LMF2: variants seen among roughly 807,000 people sequenced by gnomAD.
The protein encoded by LMF2 is lipase maturation factor 2, also known as transmembrane protein 112B.
Under a neutral mutation model 81.5 loss-of-function variants are expected in LMF2, and 113 were observed. The ratio of observed to expected loss-of-function variants is 1.39; its 90% confidence interval spans 1.19 to 1.62. The LOEUF (loss-of-function observed/expected upper bound fraction) is 1.62, where lower values mean the gene tolerates loss of function less well. Ranked by LOEUF, LMF2 falls within the 40% of genes most tolerant of loss-of-function variation. The pLI is 0.00. For synonymous variants in LMF2, 645 were observed against 424.5 expected (o/e 1.52, Z -6.39); for missense variants, 1,235 against 929.1 (o/e 1.33, Z -4.28).
intron 3 of LMF2, 34 bp from the exon 4 acceptor site, chr22:50,506,536 C>T (rs764253137): frequency 3.8e-6 from 6 of 1,572,290 alleles, no homozygotes; most frequent in Middle Eastern, 3.4e-4. Context: ...AAGAGCCCCT[C>T]CCCACACAGC....
intron 5 of LMF2, 36 bp downstream of exon 5, chr22:50,505,999 G>C: frequency 6.4e-7 from 1 of 1,567,660 alleles, no homozygotes; most frequent in Non-Finnish European, 8.7e-7. Flanking sequence ...GCCGAGCCCT[G>C]TCTGCCTCTC....
At position 50,505,485 on chromosome 22, in the gene LMF2, G is replaced by A. The variant is rs1411809866; in HGVS notation, c.969C>T (p.Val323=). 8 of 1,612,898 alleles carry A rather than the reference G, an allele frequency of 5.0e-6. No homozygotes were observed. Among genetic ancestry groups the A allele is most frequent in the Non-Finnish European group, 5.9e-6 (7 of 1,180,014 alleles). The part of the protein sequence containing the change: ...ATLSLLLELA[V]YGLLAYGTVH... ...CAGTGCCATAGGCCAGAAGCCCGTA[G>A]ACGGCTAGTTCCAGCAGCAGCGACA... Residue 323 remains valine (V), a synonymous_variant, in exon 7 of 14, where the codon GTC becomes GTT. Coordinates refer to ENST00000474879, the MANE Select transcript of LMF2 (RefSeq NM_033200.3).
chr22:50,505,528 T>C lies in LMF2; in HGVS notation c.926A>G (p.Lys309Arg). The C allele has an allele frequency of 6.2e-7, 1 of 1,612,508 alleles. No individual in the cohort carries two copies. The highest frequency in any genetic ancestry group is 1.3e-5 in the African/African-American group (1 of 75,056). ...SRKKTATSWP[K>R]ALLATLSLLL... is the part of the protein sequence containing the mutation. The stretch of plus-strand genomic sequence containing the variant: ...CAGCGACAGGGTGGCCAGCAGGGCC[T>C]TGGGCCAGGCTGTGGGGCAGGACAG... The change falls in exon 7 of 14, where the codon AAG becomes AGG. Residue 309 changes from lysine to arginine, a missense_variant. Physicochemically the swap from Lys to Arg is conservative, Grantham distance 26. Coordinates refer to ENST00000474879, the MANE Select transcript of LMF2 (RefSeq NM_033200.3).
intron 11 of LMF2, 46 bp downstream of exon 11, chr22:50,504,513 C>T: frequency 6.6e-7 from 1 of 1,513,384 alleles, no homozygotes; most frequent in Non-Finnish European, 8.9e-7. Flanking sequence ...CCTCCCCACC[C>T]CGCTCCACCC....
Position 50,504,416 on chromosome 22 carries a change from G to A in LMF2, c.1642C>T (p.Pro548Ser). ...RLVQSQVARY[P>S]FHKQPPTYVR... ...TAGGTGGGCGGCTGCTTGTGGAAGG[G>A]ATACCTGGCCACTTGGCTCTGGACA... Residue 548 changes from proline (P) to serine (S), a missense_variant, in exon 12 of 14, where the codon CCC (proline) becomes TCC (serine). By Grantham distance (74) the Pro-to-Ser change is moderately conservative. Coordinates refer to ENST00000474879, the MANE Select transcript of LMF2 (RefSeq NM_033200.3). 6.2e-7 allele frequency: 1 copy of A among 1,612,274 alleles called. No homozygotes were observed. The highest frequency in any genetic ancestry group is 8.5e-7 in the Non-Finnish European group (1 of 1,179,686).
In LMF2 at chr22:50,503,343, A is replaced by C; in HGVS notation, c.*48T>G. On this transcript the variant is annotated 3_prime_UTR_variant, in exon 14 of 14. Transcript: ENST00000474879. ...GTCCTGTCCTGCCGGAGGCCAGAGC[A>C]CTCCCGGCGACCTGGCCCTCTCAGG... The C allele has an allele frequency of 6.3e-7, 1 of 1,587,636 alleles. No homozygotes were observed. The highest frequency in any genetic ancestry group is 8.6e-7 in the Non-Finnish European group (1 of 1,163,906).
In LMF2 at chr22:50,505,750, C is replaced by T; in HGVS notation, c.840G>A (p.Val280=). Residue 280 remains valine (V), a synonymous_variant, in exon 6 of 14, where the codon GTG becomes GTA. Coordinates refer to ENST00000474879, the MANE Select transcript of LMF2 (RefSeq NM_033200.3). ...NYNFFNLMTL[V]LTTALLDDQH... The stretch of plus-strand genomic sequence containing the variant: ...GGTCGTCCAGCAGCGCAGTGGTAAG[C>T]ACCAGCGTCATCAGGTTGAAGAAGT... 1.2e-6 allele frequency: 2 copies of T among 1,613,212 alleles called. No homozygotes were observed. The highest frequency in any genetic ancestry group is 1.7e-6 in the Non-Finnish European group (2 of 1,179,944).
intron 3 of LMF2, 41 bp downstream of exon 3, chr22:50,506,597 C>G (rs747919096): frequency 6.2e-7 from 1 of 1,604,138 alleles, no homozygotes; most frequent in Admixed American, 1.7e-5. Context: ...CCCCCACCCC[C>G]TACCCAGCCT....
chr22:50,504,503 C>CCCCCCCCCCCCCCCCCACCCCACCCCA, intron 11 of LMF2, 52 bp from the exon 12 acceptor site: 1 of 1,485,566 alleles, frequency 6.7e-7, no homozygotes. Context: ...CTGCCCCTCC[C>CCCCCCCCCCCCCCCCCACCCCACCCCA]CTCCCCACCC....
chr22:50,503,950 C>A, intron 12 of LMF2, 46 bp from the exon 13 acceptor site: 1 of 1,555,868 alleles, frequency 6.4e-7, no homozygotes. Context: ...CCCCGGGCTC[C>A]ATACCCCATC....
Position 50,504,511 on chromosome 22 carries a change from C to T in LMF2, c.1606+48G>A, listed in dbSNP as rs964265833. 4.0e-6 allele frequency: 6 copies of T among 1,506,908 alleles called. No homozygotes were observed. The African/African-American group carries it at 5.5e-5, about 14-fold the overall frequency. The allele number at this position is 1,506,908 out of a possible 1,614,324, so 93.3% of individuals were successfully genotyped here. A position where few individuals can be genotyped will look rare whatever the true frequency, so the allele number is the denominator to read the frequency against. On this transcript the variant is annotated intron_variant, in intron 11 of 13. Transcript: ENST00000474879. ...ACCCGCCCTGCCCCTCCCCTCCCCACCCCGCTCCACCCCAGCCCACTCCAC... is the reference window on the plus strand; with the variant it reads ...ACCCGCCCTGCCCCTCCCCTCCCCATCCCGCTCCACCCCAGCCCACTCCAC...
chr22:50,506,232 G>A lies in LMF2; in HGVS notation c.596-19C>T, dbSNP rs565575123. ...GTGAGGGCTGCAGGCGAGGGCAGGA[G>A]TCAGGGCTGGCCGAGCCCCCAGACT... On this transcript the variant is annotated intron_variant, in intron 4 of 13. Transcript: ENST00000474879. 3 of 1,550,124 alleles carry A rather than the reference G, an allele frequency of 1.9e-6. No individual in the cohort carries two copies. Among genetic ancestry groups the A allele is most frequent in the Admixed American group, 3.9e-5 (2 of 51,010 alleles).
chr22:50,503,973 C>T (rs1461005618), intron 12 of LMF2, 69 bp from the exon 13 acceptor site: 4 of 1,391,812 alleles, frequency 2.9e-6, no homozygotes, highest in Non-Finnish European at 3.0e-6. Flanking sequence ...CAGTGCCCAG[C>T]CTTACCCCTG....
chr22:50,506,363 A>G lies in LMF2; in HGVS notation c.517T>C (p.Trp173Arg). ...GCGAACATGAGGCGGAACAGCAGCC[A>G]TCGCACCAGCCAGAAGGGGAGGTCT... ...HEDLPFWLVRWLLFRLMFASG... is the reference protein window; with the variant it reads ...HEDLPFWLVRRLLFRLMFASG... Residue 173 changes from tryptophan (W) to arginine (R), a missense_variant, in exon 4 of 14, where the codon TGG becomes CGG. Physicochemically the swap from Trp to Arg is moderately radical, Grantham distance 101 (BLOSUM62 -3). Coordinates refer to ENST00000474879, the MANE Select transcript of LMF2 (RefSeq NM_033200.3). 1.3e-6 allele frequency: 2 copies of G among 1,549,726 alleles called. No individual in the cohort carries two copies. Among genetic ancestry groups the G allele is most frequent in the Non-Finnish European group, 1.7e-6 (2 of 1,146,976 alleles).
chr22:50,503,881 A>T lies in LMF2; in HGVS notation c.1742T>A (p.Val581Glu). Residue 581 changes from valine (V) to glutamate (E), a missense_variant, in exon 13 of 14, where the codon GTG becomes GAG. Coordinates refer to ENST00000474879, the MANE Select transcript of LMF2 (RefSeq NM_033200.3). ...GGACACGGATGGGAAGAACTCCTCC[A>T]CCCACTGGCGCCGCCACCACTGGCT... ...EQGQWWRRQW[V>E]EEFFPSVSLG... The T allele has an allele frequency of 6.2e-7, 1 of 1,605,100 alleles. No homozygotes were observed. Among genetic ancestry groups the T allele is most frequent in the African/African-American group, 1.3e-5 (1 of 74,826 alleles).
chr22:50,507,620 A>G lies in LMF2; in HGVS notation c.56T>C (p.Phe19Ser). Reference protein sequence around the residue: ...QLFLQGVAAVFMFAFASLYTQ... With the variant: ...QLFLQGVAAVSMFAFASLYTQ... ...GTAGAGGGAAGCGAAAGCAAACATG[A>G]AGACGGCCGCCACGCCCTGGAGGAA... Residue 19 changes from phenylalanine to serine, a missense_variant, in exon 1 of 14, where the codon TTC becomes TCC. Phe to Ser is a radical substitution (Grantham distance 155, BLOSUM62 -2). Transcript: ENST00000474879. The G allele has an allele frequency of 6.4e-7, 1 of 1,560,286 alleles. No individual in the cohort carries two copies. Among genetic ancestry groups the G allele is most frequent in the Non-Finnish European group, 8.7e-7 (1 of 1,153,006 alleles).
Position 50,503,184 on chromosome 22 carries a change from T to C in LMF2, c.*207A>G, listed in dbSNP as rs2068450898. 2 of 545,048 alleles carry C rather than the reference T, an allele frequency of 3.7e-6. No homozygotes were observed. The highest frequency in any genetic ancestry group is 2.0e-5 in the African/African-American group (1 of 49,926). The allele number at this position is 545,048 out of a possible 1,614,324, so 33.8% of individuals were successfully genotyped here. A position where few individuals can be genotyped will look rare whatever the true frequency, so the allele number is the denominator to read the frequency against. On this transcript the variant is annotated 3_prime_UTR_variant, in exon 14 of 14. Coordinates refer to ENST00000474879, the MANE Select transcript of LMF2 (RefSeq NM_033200.3). Reference sequence around the variant, plus strand: ...CCTGGGCCAATCACAGAGGCAATAGTGGGAGTCCTGGGGAGGGGCATGGCT... The same window carrying C: ...CCTGGGCCAATCACAGAGGCAATAGCGGGAGTCCTGGGGAGGGGCATGGCT...
chr22:50,504,618 T>G lies in LMF2; in HGVS notation c.1547A>C (p.His516Pro). 6.2e-7 allele frequency: 1 copy of G among 1,607,340 alleles called. No individual in the cohort carries two copies. Among genetic ancestry groups the G allele is most frequent in the Non-Finnish European group, 8.5e-7 (1 of 1,179,272 alleles). Residue 516 changes from histidine (H) to proline (P), a missense_variant, in exon 11 of 14, where the codon CAC becomes CCC. Coordinates refer to ENST00000474879, the MANE Select transcript of LMF2 (RefSeq NM_033200.3). The part of the protein sequence containing the change: ...WQMWFAALGP[H>P]THSPWFTSLV... ...GCTTGTGAACCACGGGCTGTGCGTG[T>G]GTGGGCCCAGGGCTGCAAACCACAT...
intron 10 of LMF2, 33 bp from the exon 11 acceptor site, chr22:50,504,760 T>A: frequency 6.2e-7 from 1 of 1,606,060 alleles, no homozygotes; most frequent in Non-Finnish European, 8.5e-7. Context: ...CTGGGCCCGC[T>A]GACCTGGGCC....
Sources: allele counts gnomAD v4.1 joint callset, GRCh38; gene constraint gnomAD v4.1.1; transcripts MANE v1.5; gene names NCBI Gene and HGNC (gene_info 2026-07-23, HGNC 2026-07-21).